SBF2: variants seen among roughly 807,000 people sequenced by gnomAD.
SBF2 encodes myotubularin-related protein 13.
In SBF2, 112 loss-of-function variants were observed where a neutral mutation model predicts 225.2. The observed-to-expected ratio is 0.50, with a 90% CI of 0.43 to 0.58. SBF2 has a LOEUF of 0.58. Among genes scored for constraint, SBF2 ranks in the 20% least tolerant of loss-of-function variants. SBF2 has a pLI of 0.00. For missense variants in SBF2, 1,996 were observed against 2,206.2 expected, an observed-to-expected ratio of 0.90 and a Z score of 1.91; for synonymous variants, 763 against 773.3, an observed-to-expected ratio of 0.99 and a Z score of 0.22.
At chr11:10,107,524 T>G (rs189895501) in intron 2 of SBF2, among the ~76,000 whole-genome samples, 1 of 152,204 alleles carries the variant, frequency 6.6e-6, no homozygotes, top group African/African-American at 2.4e-5. Flanking sequence ...TTAAACAACA[T>G]AGATTTATTC....
intron 14 of SBF2, among the ~76,000 whole-genome samples, chr11:9,966,945 T>G (rs1866952615): frequency 1.3e-5 from 2 of 152,084 alleles, no homozygotes; most frequent in African/African-American, 4.8e-5. Flanking sequence ...CTACACAAAA[T>G]CTTGCACATA....
chr11:9,805,245 CAAA>C (rs35459604), intron 32 of SBF2, among the ~76,000 whole-genome samples: 2 of 137,034 alleles, frequency 1.5e-5, no homozygotes, highest in Admixed American at 7.2e-5. Context: ...GACTCTGTCT[CAAA>C]AAAAAAAAAA....
chr11:9,842,643 C>T lies in SBF2; in HGVS notation c.3238G>A (p.Glu1080Lys), dbSNP rs1273176256. 1 of 1,614,090 alleles carries T rather than the reference C, an allele frequency of 6.2e-7. No homozygotes were observed. Among genetic ancestry groups the T allele is most frequent in the East Asian group, 2.2e-5 (1 of 44,872 alleles). ...CACATACCAGATACATCATCATCTTCATTCCATCCAGGACGATTTACTCTT... is the reference window on the plus strand; with the variant it reads ...CACATACCAGATACATCATCATCTTTATTCCATCCAGGACGATTTACTCTT... Reference protein sequence around the residue: ...EERVNRPGWNEDDDVSVSDES... With the variant: ...EERVNRPGWNKDDDVSVSDES... Residue 1080 changes from glutamate (E) to lysine (K), a missense_variant, in exon 25 of 40, where the codon GAA becomes AAA. Physicochemically the swap from Glu to Lys is moderately conservative, Grantham distance 56. Coordinates refer to ENST00000256190, the MANE Select transcript of SBF2 (RefSeq NM_030962.4).
rs1304928069 is a variant in SBF2, at chr11:9,862,281, G to T, written c.1930-3885C>A. ...TGTGTCCCTCAGTGAGGATGGGCAG[G>T]GCCATTCCACTGATGGGTGTTCTCA... On this transcript the variant is annotated intron_variant, in intron 17 of 39. Transcript: ENST00000256190. 2.0e-5 allele frequency among the ~76,000 whole-genome samples: 3 copies of T among 152,174 alleles called. No homozygotes were observed. The East Asian group carries it at 5.8e-4, about 29-fold the overall frequency.
intron 2 of SBF2, among the ~76,000 whole-genome samples, chr11:10,169,454 C>T (rs912842535): frequency 6.6e-6 from 1 of 152,126 alleles, no homozygotes; most frequent in African/African-American, 2.4e-5. Flanking sequence ...CTTTCTGTGC[C>T]TAGCTTATTT....
chr11:10,072,315 T>G (rs1210051808), intron 2 of SBF2, among the ~76,000 whole-genome samples: 3 of 152,182 alleles, frequency 2.0e-5, no homozygotes, highest in Non-Finnish European at 2.9e-5. Context: ...CAAGGATTTG[T>G]ATATTTTAAG....
intron 3 of SBF2, among the ~76,000 whole-genome samples, chr11:10,035,416 G>A (rs1949398144): frequency 6.6e-6 from 1 of 152,126 alleles, no homozygotes; most frequent in Non-Finnish European, 1.5e-5. Flanking sequence ...TGACAAATGG[G>A]ATCTAATTAA....
intron 32 of SBF2, among the ~76,000 whole-genome samples, chr11:9,804,364 G>A (rs1182920668): frequency 6.6e-6 from 1 of 152,144 alleles, no homozygotes; most frequent in Non-Finnish European, 1.5e-5. Flanking sequence ...CAAGGTAGCT[G>A]CTGTTTTCTT....
At chr11:9,944,604 G>A (rs1378861668) in intron 16 of SBF2, among the ~76,000 whole-genome samples, 1 of 152,034 alleles carries the variant, frequency 6.6e-6, no homozygotes, top group African/African-American at 2.4e-5. Flanking sequence ...TAACCTGGGA[G>A]GTGAAAAAAT....
Position 10,028,793 on chromosome 11 carries a change from T to C in SBF2, c.514-236A>G, listed in dbSNP as rs945077907. On this transcript the variant is annotated intron_variant, in intron 5 of 39. Transcript: ENST00000256190. ...TAGTAGAGATAAGACACAAAAATCATTGATAATCATAACTGGCTAAAAAAT... is the reference window on the plus strand; with the variant it reads ...TAGTAGAGATAAGACACAAAAATCACTGATAATCATAACTGGCTAAAAAAT... Among the ~76,000 whole-genome samples, 7 of 152,112 alleles carry C rather than the reference T, an allele frequency of 4.6e-5. No homozygotes were observed. The East Asian group carries it at 5.8e-4, about 13-fold the overall frequency.
At chr11:10,178,262 C>T (rs907382408) in intron 2 of SBF2, among the ~76,000 whole-genome samples, 5 of 150,772 alleles carry the variant, frequency 3.3e-5, no homozygotes, top group African/African-American at 1.2e-4. Context: ...CTAGGCAATA[C>T]CATTCAGGAC....
chr11:9,832,394 T>C lies in SBF2; in HGVS notation c.3482A>G (p.Gln1161Arg). The change falls in exon 27 of 40, where the codon CAA (glutamine) becomes CGA (arginine). Residue 1161 changes from glutamine (Q) to arginine (R), a missense_variant. Coordinates refer to ENST00000256190, the MANE Select transcript of SBF2 (RefSeq NM_030962.4). ...TGGTAAACTACTGTCCTGTACAGCT[T>C]GAGGTACGACTAAAAGGCCAGGATA... The part of the protein sequence containing the change: ...RSYPGLLVVP[Q>R]AVQDSSLPRV... 6.2e-7 allele frequency: 1 copy of C among 1,613,802 alleles called. No individual in the cohort carries two copies. The highest frequency in any genetic ancestry group is 8.5e-7 in the Non-Finnish European group (1 of 1,179,918).
intron 2 of SBF2, among the ~76,000 whole-genome samples, chr11:10,045,152 G>GT: frequency 6.7e-6 from 1 of 150,162 alleles, no homozygotes; most frequent in Admixed American, 6.7e-5. Flanking sequence ...ACTTGTTTTT[G>GT]TGACTATCTA....
At chr11:10,047,245 G>C (rs182991668) in intron 2 of SBF2, among the ~76,000 whole-genome samples, 78 of 152,176 alleles carry the variant, frequency 5.1e-4, no homozygotes, top group African/African-American at 1.8e-3. Context: ...ATCCCAGCAA[G>C]TTATTTTATG....
chr11:9,825,231 G>T (rs570750145), intron 28 of SBF2, among the ~76,000 whole-genome samples: 1 of 152,138 alleles, frequency 6.6e-6, no homozygotes, highest in Non-Finnish European at 1.5e-5. Context: ...CACAGAGGGA[G>T]AATGCCATGT....
chr11:9,917,680 C>T (rs965621003), intron 16 of SBF2, among the ~76,000 whole-genome samples: 18 of 148,828 alleles, frequency 1.2e-4, no homozygotes, highest in Non-Finnish European at 1.5e-5. Context: ...GTATTCCTCA[C>T]TTTTTTTTTT....
chr11:10,213,889 A>C (rs1368954404), intron 1 of SBF2, among the ~76,000 whole-genome samples: 1 of 152,164 alleles, frequency 6.6e-6, no homozygotes, highest in Non-Finnish European at 1.5e-5. Flanking sequence ...ATGAAATCTG[A>C]TGAAGCTCTG....
Position 10,067,706 on chromosome 11 carries a change from G to GC in SBF2, c.142-24726dup, listed in dbSNP as rs536803024. ...GTCCAGTAGTTTGAGACCAACCTGG[G>GC]CAACATAGGGAGACCCTGTCTCTAT... On this transcript the variant is annotated intron_variant, in intron 2 of 39. Coordinates refer to ENST00000256190, the MANE Select transcript of SBF2 (RefSeq NM_030962.4). Among the ~76,000 whole-genome samples, 11 of 152,120 alleles carry GC rather than the reference G, an allele frequency of 7.2e-5. No homozygotes were observed. The East Asian group carries it at 2.1e-3, about 29-fold the overall frequency.
At chr11:9,781,746 G>C in intron 38 of SBF2, 108 bp from the exon 39 acceptor site, 1 of 1,267,846 alleles carries the variant, frequency 7.9e-7, no homozygotes, top group Non-Finnish European at 1.1e-6. Flanking sequence ...TATATATGCT[G>C]AACTATGCCT....
Sources: allele counts gnomAD v4.1 joint callset (sites outside exome capture counted in the v4.1 genomes callset), GRCh38; gene constraint gnomAD v4.1.1; transcripts MANE v1.5; gene names NCBI Gene and HGNC (gene_info 2026-07-23, HGNC 2026-07-21).